Variants in RARB observed in about 807,000 individuals in gnomAD.
RARB encodes the protein HBV-activated protein.
RARB carries 17 observed loss-of-function variants against 51.9 expected under a neutral mutation model. The ratio of observed to expected loss-of-function variants is 0.33; its 90% CI spans 0.22 to 0.49. The LOEUF is 0.49. Ranked by LOEUF, RARB falls within the 20% of genes least tolerant of loss-of-function variation. The pLI is 0.99. For synonymous variants in RARB, 215 were observed against 195.4 expected (o/e 1.10, Z -0.84); for missense variants, 369 against 550.8 (o/e 0.67, Z 3.30).
At chr3:25,329,309 C>T (rs951536261) in intron 5 of RARB, among the ~76,000 whole-genome samples, 3 of 152,114 alleles carry the variant, frequency 2.0e-5, no homozygotes, top group African/African-American at 7.2e-5. Context: ...CGGCCGGGTG[C>T]CCCTCTGAGA....
chr3:25,518,207 C>A (rs1698256534), intron 3 of RARB, among the ~76,000 whole-genome samples: 1 of 151,914 alleles, frequency 6.6e-6, no homozygotes, highest in South Asian at 2.1e-4. Context: ...TAAAAGTAAA[C>A]CTTGGAGTCA....
chr3:25,264,864 C>T (rs1453445565), intron 5 of RARB, among the ~76,000 whole-genome samples: 1 of 152,024 alleles, frequency 6.6e-6, no homozygotes, highest in East Asian at 1.9e-4. Context: ...ACATATTGCC[C>T]TTTTTTTATT....
chr3:25,258,034 A>G (rs1702909070), intron 5 of RARB, among the ~76,000 whole-genome samples: 20 of 152,102 alleles, frequency 1.3e-4, no homozygotes, highest in Admixed American at 1.3e-3. Context: ...CTTATAATGA[A>G]GTTAGGAATC....
At chr3:25,139,560 A>G (rs1700079409) in intron 4 of RARB, among the ~76,000 whole-genome samples, 1 of 152,172 alleles carries the variant, frequency 6.6e-6, no homozygotes, top group Admixed American at 6.6e-5. Flanking sequence ...TGAAACTAGC[A>G]GAAGTTGGTT....
At chr3:25,491,277 C>T (rs567925683) in intron 2 of RARB, among the ~76,000 whole-genome samples, 74 of 152,138 alleles carry the variant, frequency 4.9e-4, no homozygotes, top group Non-Finnish European at 7.5e-4. Context: ...CCCCCTGCAC[C>T]CCCACCCCCA....
At chr3:24,879,977 C>T (rs10865799) in intron 2 of RARB, among the ~76,000 whole-genome samples, 26,957 of 144,658 alleles carry the variant, frequency 0.19, 3,720 homozygotes, top group East Asian at 0.5. Context: ...TACAAAGTCA[C>T]GAAAACTGAA....
At chr3:25,023,890 G>A (rs1017101202) in intron 2 of RARB, among the ~76,000 whole-genome samples, 1 of 152,152 alleles carries the variant, frequency 6.6e-6, no homozygotes, top group Admixed American at 6.5e-5. Context: ...TTGGGGAGGT[G>A]GGTAGAGGAT....
intron 2 of RARB, among the ~76,000 whole-genome samples, chr3:24,955,858 C>T (rs911721006): frequency 1.3e-5 from 2 of 152,040 alleles, no homozygotes; most frequent in Middle Eastern, 3.2e-3. Context: ...GCCCCCTGGC[C>T]GATCTCTTAG....
At chr3:25,477,707 G>C (rs1438838548) in intron 2 of RARB, among the ~76,000 whole-genome samples, 3 of 152,140 alleles carry the variant, frequency 2.0e-5, no homozygotes, top group Non-Finnish European at 4.4e-5. Flanking sequence ...TATTGTATAT[G>C]GTTAAAATGA....
chr3:25,292,728 C>T (rs1355749349), intron 5 of RARB, among the ~76,000 whole-genome samples: 2 of 152,130 alleles, frequency 1.3e-5, no homozygotes, highest in African/African-American at 2.4e-5. Flanking sequence ...GGTCAGCTGT[C>T]CCCACTGGCA....
chr3:25,511,568 T>C (rs1330551211), intron 3 of RARB, among the ~76,000 whole-genome samples: 2 of 152,250 alleles, frequency 1.3e-5, no homozygotes, highest in Non-Finnish European at 2.9e-5. Context: ...GTTAAGTGTG[T>C]AGCAGCCTGT....
intron 2 of RARB, among the ~76,000 whole-genome samples, chr3:24,925,648 T>A (rs1158730721): frequency 1.2e-4 from 16 of 135,540 alleles, no homozygotes; most frequent in African/African-American, 5.0e-4. Context: ...CCTGTCTTTT[T>A]TTTTTTTAAA....
chr3:25,013,473 T>C (rs1173144129), intron 2 of RARB, among the ~76,000 whole-genome samples: 3 of 152,138 alleles, frequency 2.0e-5, no homozygotes, highest in African/African-American at 7.2e-5. Flanking sequence ...CTTCTAACTT[T>C]GTGATTAGAT....
intron 5 of RARB, among the ~76,000 whole-genome samples, chr3:25,316,674 C>A (rs917828898): frequency 6.6e-6 from 1 of 152,098 alleles, no homozygotes; most frequent in African/African-American, 2.4e-5. Context: ...GAGAACAGCA[C>A]ATTTGGTATT....
intron 1 of RARB, among the ~76,000 whole-genome samples, chr3:24,843,007 C>T (rs1702438710): frequency 6.6e-6 from 1 of 152,216 alleles, no homozygotes; most frequent in African/African-American, 2.4e-5. Context: ...ATTTCCTTTG[C>T]TCTGACATGA....
At chr3:24,940,359 G>A (rs146746219) in intron 2 of RARB, among the ~76,000 whole-genome samples, 291 of 152,280 alleles carry the variant, frequency 1.9e-3, no homozygotes, top group African/African-American at 6.4e-3. Flanking sequence ...TGATGCTGGC[G>A]ACGTAGAGAG....
At chr3:25,146,983 T>C (rs1432835305) in intron 4 of RARB, among the ~76,000 whole-genome samples, 1 of 152,184 alleles carries the variant, frequency 6.6e-6, no homozygotes, top group Non-Finnish European at 1.5e-5. Context: ...TATGAATGCC[T>C]GGGCTATGTG....
chr3:25,011,057 G>C (rs4241541), intron 2 of RARB, among the ~76,000 whole-genome samples: 122,696 of 152,074 alleles, frequency 0.81, 49,752 homozygotes, highest in African/African-American at 0.89. Flanking sequence ...ATATCTGTTC[G>C]ATTGTTATTT....
intron 5 of RARB, among the ~76,000 whole-genome samples, chr3:25,334,547 G>A (rs957995753): frequency 6.6e-6 from 1 of 152,070 alleles, no homozygotes; most frequent in Non-Finnish European, 1.5e-5. Context: ...AGGGAGCGGG[G>A]AAGGATAGCA....
Sources: allele counts gnomAD v4.1 joint callset (sites outside exome capture counted in the v4.1 genomes callset), GRCh38; gene constraint gnomAD v4.1.1; transcripts MANE v1.5; gene names NCBI Gene and HGNC (gene_info 2026-07-23, HGNC 2026-07-21).